Variants in ATP8B4 observed in about 807,000 individuals in gnomAD.
ATP8B4 encodes the protein probable phospholipid-transporting ATPase IM.
In ATP8B4, 133 loss-of-function variants were observed where a neutral mutation model predicts 145.6. That is an observed-to-expected ratio of 0.91 (90% CI 0.79 to 1.05). The LOEUF (loss-of-function observed/expected upper bound fraction) is 1.05, where lower values mean the gene tolerates loss of function less well. Ranked by LOEUF, ATP8B4 falls within the 50% of genes least tolerant of loss-of-function variation. The pLI, the probability that ATP8B4 is intolerant of heterozygous loss-of-function variation, is 0.00. For synonymous variants in ATP8B4, 507 were observed against 492.9 expected (o/e 1.03, Z -0.38); for missense variants, 1,458 against 1,425.2 (o/e 1.02, Z -0.37).
In ATP8B4 at chr15:50,079,906, C is replaced by A. The variant is rs1003939675; in HGVS notation, c.29-5721G>T. 2.6e-5 allele frequency among the ~76,000 whole-genome samples: 4 copies of A among 152,106 alleles called. 1 individual carries two copies. Among genetic ancestry groups the A allele is most frequent in the Admixed American group, 2.6e-4 (4 of 15,272 alleles). ...ACCGTATTGCTGGCTGAGTACAAGACCCGAAAGAAGATCAAGTTGGTAATA... is the reference window on the plus strand; with the variant it reads ...ACCGTATTGCTGGCTGAGTACAAGAACCGAAAGAAGATCAAGTTGGTAATA... On this transcript the variant is annotated intron_variant, in intron 2 of 27. Coordinates refer to ENST00000284509, the MANE Select transcript of ATP8B4 (RefSeq NM_024837.4).
chr15:50,038,479 C>T (rs1490237910), intron 6 of ATP8B4, among the ~76,000 whole-genome samples: 1 of 152,164 alleles, frequency 6.6e-6, no homozygotes, highest in Admixed American at 6.5e-5. Context: ...ACCCCATATG[C>T]ACCAATTCTA....
At chr15:49,874,806 GAT>G in intron 25 of ATP8B4, among the ~76,000 whole-genome samples, 1 of 152,218 alleles carries the variant, frequency 6.6e-6, no homozygotes, top group East Asian at 1.9e-4. Context: ...TTTAAAATGT[GAT>G]AGTTTCTGTG....
chr15:49,943,022 A>C (rs754724102), intron 14 of ATP8B4, among the ~76,000 whole-genome samples: 1 of 152,080 alleles, frequency 6.6e-6, no homozygotes, highest in African/African-American at 2.4e-5. Context: ...CAACAAAAAG[A>C]CTTTAAAAAA....
intron 24 of ATP8B4, among the ~76,000 whole-genome samples, chr15:49,877,483 A>G (rs967184951): frequency 6.6e-6 from 1 of 152,172 alleles, no homozygotes; most frequent in Non-Finnish European, 1.5e-5. Context: ...GGGATGGCCC[A>G]GGTCTCTCCA....
In ATP8B4 at chr15:50,002,181, A is replaced by G. The variant is rs2047945640; in HGVS notation, c.478T>C (p.Cys160Arg). The G allele has an allele frequency of 6.2e-7, 1 of 1,611,186 alleles. No individual in the cohort carries two copies. Among genetic ancestry groups the G allele is most frequent in the African/African-American group, 1.3e-5 (1 of 74,832 alleles). Residue 160 changes from cysteine to arginine, a missense_variant, in exon 8 of 28, where the codon TGT becomes CGT. By Grantham distance (180) the Cys-to-Arg change is radical (BLOSUM62 -3). Coordinates refer to ENST00000284509, the MANE Select transcript of ATP8B4 (RefSeq NM_024837.4). ...TCAAGCTCAGCAGTTTCAACATAAC[A>G]GAGACCATGTGGCTCACTACTTGAT... ...LLSSSEPHGL[C>R]YVETAELDGE...
intron 1 of ATP8B4, among the ~76,000 whole-genome samples, chr15:50,115,051 C>T (rs528272111): frequency 6.6e-6 from 1 of 152,280 alleles, no homozygotes; most frequent in South Asian, 2.1e-4. Context: ...TGAGTGTAGG[C>T]CAGACACAGT....
chr15:50,085,910 T>A (rs193056104), intron 2 of ATP8B4, among the ~76,000 whole-genome samples: 33 of 96,944 alleles, frequency 3.4e-4, no homozygotes, highest in African/African-American at 1.1e-3. Flanking sequence ...ATCATATATA[T>A]TTATATATGA....
At chr15:50,086,912 TTA>T in intron 2 of ATP8B4, among the ~76,000 whole-genome samples, 1 of 97,008 alleles carries the variant, frequency 1.0e-5, no homozygotes, top group East Asian at 3.7e-4. Context: ...ATCTATATTA[TTA>T]TATATAATAA....
intron 18 of ATP8B4, 116 bp downstream of exon 18, chr15:49,920,130 A>C: frequency 7.6e-7 from 1 of 1,314,934 alleles, no homozygotes; most frequent in East Asian, 2.3e-5. Flanking sequence ...AGTGATTGAA[A>C]GAGAAACATC....
intron 14 of ATP8B4, among the ~76,000 whole-genome samples, chr15:49,936,664 A>G (rs2041757533): frequency 1.3e-5 from 2 of 152,012 alleles, no homozygotes; most frequent in South Asian, 4.2e-4. Flanking sequence ...GACTCTTTCA[A>G]TTGGAAGATT....
intron 3 of ATP8B4, among the ~76,000 whole-genome samples, chr15:50,065,055 C>T (rs907521384): frequency 3.9e-5 from 6 of 152,176 alleles, no homozygotes; most frequent in African/African-American, 1.2e-4. Context: ...GAACACAGAT[C>T]CAAATCATAT....
intron 7 of ATP8B4, among the ~76,000 whole-genome samples, chr15:50,004,141 C>T (rs2048125803): frequency 6.6e-6 from 1 of 152,182 alleles, no homozygotes; most frequent in African/African-American, 2.4e-5. Context: ...CATCCATCCT[C>T]CCTTCTCCCT....
intron 12 of ATP8B4, among the ~76,000 whole-genome samples, 172 bp from the exon 13 acceptor site, chr15:49,972,962 A>G (rs1313505040): frequency 6.6e-6 from 1 of 152,212 alleles, no homozygotes; most frequent in Non-Finnish European, 1.5e-5. Context: ...GAGTCTGTTT[A>G]TAAACATTTC....
intron 26 of ATP8B4, among the ~76,000 whole-genome samples, chr15:49,863,256 G>C (rs1408612357): frequency 1.3e-5 from 2 of 152,180 alleles, no homozygotes; most frequent in African/African-American, 4.8e-5. Context: ...TCCTGGGTTT[G>C]TGAAAAGAAC....
chr15:50,180,187 T>G (rs908162813), intron 1 of ATP8B4, among the ~76,000 whole-genome samples: 1 of 152,130 alleles, frequency 6.6e-6, no homozygotes, highest in African/African-American at 2.4e-5. Flanking sequence ...GTCAGGGATT[T>G]TTTTTTTTAT....
In ATP8B4 at chr15:50,173,245, G is replaced by A. The variant is rs182914700; in HGVS notation, c.-43+9016C>T. On this transcript the variant is annotated intron_variant, in intron 1 of 3. Transcript: ENST00000558829. ...CCATGATGACGATGGCGGTTTTGTC[G>A]AACAGAAAAGGGGGAAATGTGGGGA... Among the ~76,000 whole-genome samples the A allele has an allele frequency of 2.0e-4, 31 of 152,256 alleles. 1 individual carries two copies. The highest frequency in any genetic ancestry group is 5.3e-4 in the African/African-American group (22 of 41,558).
chr15:50,172,209 A>G (rs2044684866), intron 1 of ATP8B4, among the ~76,000 whole-genome samples: 1 of 152,128 alleles, frequency 6.6e-6, no homozygotes, highest in East Asian at 1.9e-4. Context: ...GCTGGACTGT[A>G]CTGCCGCCAT....
chr15:49,909,876 T>G (rs1283891377), intron 20 of ATP8B4, among the ~76,000 whole-genome samples: 1 of 151,816 alleles, frequency 6.6e-6, no homozygotes, highest in Admixed American at 6.6e-5. Context: ...ATCCACAAAA[T>G]TGGAAGAAGC....
intron 8 of ATP8B4, among the ~76,000 whole-genome samples, chr15:50,001,705 C>A (rs1466308352): frequency 2.0e-5 from 3 of 152,176 alleles, no homozygotes; most frequent in Non-Finnish European, 4.4e-5. Flanking sequence ...AAATTAATAT[C>A]AACATCAAAA....
Sources: gnomAD v4.1 joint callset for allele counts (sites outside exome capture counted in the v4.1 genomes callset) on GRCh38, gnomAD v4.1.1 for gene constraint, MANE v1.5 for transcripts, NCBI Gene and HGNC (gene_info 2026-07-23, HGNC 2026-07-21) for gene names.